The following PRKCE variants were observed in gnomAD, a reference collection of about 807,000 sequenced individuals.
PRKCE encodes protein kinase C epsilon type.
In PRKCE, 16 loss-of-function variants were observed where a neutral mutation model predicts 85.4. The ratio of observed to expected loss-of-function variants is 0.19; its 90% CI spans 0.13 to 0.28. The LOEUF (loss-of-function observed/expected upper bound fraction) is 0.28. Ranked by LOEUF, PRKCE falls within the 10% of genes least tolerant of loss-of-function variation. The pLI, the probability that PRKCE is intolerant of heterozygous loss-of-function variation, is 1.00. For synonymous variants in PRKCE, 388 were observed against 371.5 expected (o/e 1.04, Z -0.51); for missense variants, 573 against 975.2 (o/e 0.59, Z 5.49).
intron 10 of PRKCE, among the ~76,000 whole-genome samples, chr2:46,021,334 A>G (rs547102491): frequency 5.7e-4 from 87 of 152,318 alleles, no homozygotes; most frequent in African/African-American, 2.0e-3. Context: ...GTGGGAAATG[A>G]TGACTTAAAT....
intron 13 of PRKCE, 55 bp downstream of exon 13, chr2:46,151,284 C>G: frequency 6.4e-6 from 2 of 313,858 alleles, no homozygotes; most frequent in Non-Finnish European, 1.1e-5. Context: ...TCCCCCTACA[C>G]ACACACACAC....
chr2:45,917,710 G>A lies in PRKCE; in HGVS notation c.413-58719G>A, dbSNP rs564174906. ...TGGGTGGTCGATGGGACTGGGCGCC[G>A]TGGAGCAGGGGGCGGCGCTCGTCGG... On this transcript the variant is annotated intron_variant, in intron 2 of 14. Coordinates refer to ENST00000306156, the MANE Select transcript of PRKCE (RefSeq NM_005400.3). Among the ~76,000 whole-genome samples the A allele has an allele frequency of 1.4e-3, 213 of 152,336 alleles. 2 individuals are homozygous for A. The highest frequency in any genetic ancestry group is 4.8e-3 in the African/African-American group (198 of 41,592).
chr2:45,684,414 T>A (rs1677133289), intron 1 of PRKCE, among the ~76,000 whole-genome samples: 1 of 152,218 alleles, frequency 6.6e-6, no homozygotes, highest in African/African-American at 2.4e-5. Context: ...AGCCTAAGGC[T>A]GGGCTTTCAG....
intron 1 of PRKCE, among the ~76,000 whole-genome samples, chr2:45,744,603 A>C (rs539869408): frequency 2.5e-4 from 27 of 106,356 alleles, no homozygotes; most frequent in South Asian, 1.5e-3. Context: ...TTTCCTCCTT[A>C]CTTCCTTCCT....
chr2:45,858,946 C>T (rs1056748366), intron 2 of PRKCE, among the ~76,000 whole-genome samples: 5 of 151,692 alleles, frequency 3.3e-5, no homozygotes, highest in East Asian at 3.9e-4. Context: ...GAGGCTGAGG[C>T]GGGAGAATCA....
rs547450443 is a variant in PRKCE at position 45,948,327 on chromosome 2, A to G, written c.413-28102A>G. 2.6e-5 allele frequency among the ~76,000 whole-genome samples: 4 copies of G among 152,334 alleles called. 1 individual carries two copies. The South Asian group carries it at 8.3e-4, about 32-fold the overall frequency. ...TGATTTAGTGACAACCTAATAAACC[A>G]TAGTTAGCAAATATAAAAATTTTGT... On this transcript the variant is annotated intron_variant, in intron 2 of 14. Transcript: ENST00000306156.
At chr2:45,668,244 G>A (rs1343512453) in intron 1 of PRKCE, among the ~76,000 whole-genome samples, 2 of 152,196 alleles carry the variant, frequency 1.3e-5, no homozygotes. Context: ...AGGAGGCTGA[G>A]GCAGGAGAAT....
intron 1 of PRKCE, among the ~76,000 whole-genome samples, chr2:45,701,915 A>G (rs1247891463): frequency 1.3e-5 from 2 of 152,204 alleles, no homozygotes; most frequent in African/African-American, 4.8e-5. Flanking sequence ...AAGATGGGCC[A>G]GGCGCGGTGG....
intron 14 of PRKCE, among the ~76,000 whole-genome samples, chr2:46,181,146 C>G (rs1202983884): frequency 6.6e-6 from 1 of 152,150 alleles, no homozygotes; most frequent in Non-Finnish European, 1.5e-5. Context: ...AGCAGCTTTT[C>G]AAAGAATAAA....
intron 5 of PRKCE, among the ~76,000 whole-genome samples, chr2:45,982,654 G>A (rs899125301): frequency 1.2e-4 from 18 of 152,002 alleles, no homozygotes; most frequent in East Asian, 1.9e-4. Flanking sequence ...CTCAGCAAGC[G>A]CACATGTGAC....
chr2:45,973,457 G>A (rs1702239026), intron 2 of PRKCE, among the ~76,000 whole-genome samples: 1 of 152,174 alleles, frequency 6.6e-6, no homozygotes, highest in South Asian at 2.1e-4. Flanking sequence ...GTGACCTTCT[G>A]TTTTTCCATA....
chr2:45,932,852 A>G (rs1055674828), intron 2 of PRKCE, among the ~76,000 whole-genome samples: 4 of 152,342 alleles, frequency 2.6e-5, no homozygotes, highest in African/African-American at 9.6e-5. Context: ...ACTACTCTGC[A>G]TACTTCATAT....
At chr2:45,683,041 G>C (rs147497981) in intron 1 of PRKCE, among the ~76,000 whole-genome samples, 268 of 152,324 alleles carry the variant, frequency 1.8e-3, no homozygotes, top group Non-Finnish European at 2.4e-3. Context: ...TGGGGGAATA[G>C]TTTGTAATGG....
At chr2:45,848,108 G>A (rs1005026187) in intron 2 of PRKCE, among the ~76,000 whole-genome samples, 6 of 152,174 alleles carry the variant, frequency 3.9e-5, no homozygotes, top group East Asian at 1.9e-4. Flanking sequence ...AAAGTGAAAG[G>A]GGTTTTTCTC....
chr2:45,772,584 G>T (rs539929615), intron 1 of PRKCE, among the ~76,000 whole-genome samples: 8 of 152,182 alleles, frequency 5.3e-5, no homozygotes, highest in Non-Finnish European at 1.2e-4. Flanking sequence ...GGGGACCCTT[G>T]AGACTGAGGA....
intron 2 of PRKCE, among the ~76,000 whole-genome samples, chr2:45,940,047 T>A (rs1699764685): frequency 6.6e-6 from 1 of 152,244 alleles, no homozygotes; most frequent in African/African-American, 2.4e-5. Flanking sequence ...GTTGACCTGA[T>A]GTTTTAGAAC....
At chr2:46,160,037 T>C (rs1677600226) in intron 14 of PRKCE, 1 of 367,896 alleles carries the variant, frequency 2.7e-6, no homozygotes, top group South Asian at 3.5e-5. Context: ...TGATTGAAAA[T>C]GACAAATGAT....
intron 12 of PRKCE, among the ~76,000 whole-genome samples, chr2:46,150,245 C>T (rs1244132753): frequency 6.6e-6 from 1 of 152,168 alleles, no homozygotes; most frequent in East Asian, 1.9e-4. Context: ...AAAAGAGAGA[C>T]AGCATAGATA....
Position 45,884,997 on chromosome 2 carries a change from A to ATTTTT in PRKCE, c.412+41935_412+41936insTTTTT, listed in dbSNP as rs1360794938. Among the ~76,000 whole-genome samples, 8 of 69,624 alleles carry ATTTTT rather than the reference A, an allele frequency of 1.1e-4. 2 individuals are homozygous for ATTTTT. In the East Asian group the frequency reaches 1.8e-3, roughly 15 times the overall value. The allele number at this position is 69,624 out of a possible 152,430, so 45.7% of individuals were successfully genotyped here. A position where few individuals can be genotyped will look rare whatever the true frequency, so the allele number is the denominator to read the frequency against. Reference sequence around the variant, plus strand: ...TATATATATATATATATATATATATATATATTTGTTGTTGTTGTTGTTGTT... The same window carrying ATTTTT: ...TATATATATATATATATATATATATATTTTTTATATTTGTTGTTGTTGTTGTTGTT... On this transcript the variant is annotated intron_variant, in intron 2 of 14. Transcript: ENST00000306156.
Sources: allele counts gnomAD v4.1 joint callset (sites outside exome capture counted in the v4.1 genomes callset), GRCh38; gene constraint gnomAD v4.1.1; transcripts MANE v1.5; gene names NCBI Gene and HGNC (gene_info 2026-07-23, HGNC 2026-07-21).